Variants in NDUFAF2 observed in about 807,000 individuals in gnomAD.
The protein encoded by NDUFAF2 is NADH dehydrogenase [ubiquinone] 1 alpha subcomplex assembly factor 2.
A neutral mutation model predicts 22.8 loss-of-function variants in NDUFAF2; 13 were observed. The ratio of observed to expected loss-of-function variants is 0.57; its 90% CI spans 0.37 to 0.91. The LOEUF (loss-of-function observed/expected upper bound fraction) is 0.91. Ranked by LOEUF, NDUFAF2 falls within the 40% of genes least tolerant of loss-of-function variation. NDUFAF2 has a pLI of 0.01. For missense variants in NDUFAF2, 162 were observed against 195.2 expected (o/e 0.83, Z 1.01); for synonymous variants, 53 against 64.2 (o/e 0.83, Z 0.84).
intron 1 of NDUFAF2, among the ~76,000 whole-genome samples, chr5:60,960,930 A>G (rs1407341431): frequency 6.6e-6 from 1 of 152,142 alleles, no homozygotes; most frequent in Non-Finnish European, 1.5e-5. Flanking sequence ...TTTATTAAAA[A>G]TATAACTCCG....
intron 3 of NDUFAF2, among the ~76,000 whole-genome samples, chr5:61,108,390 A>C (rs1561567442): frequency 6.6e-6 from 1 of 150,846 alleles, no homozygotes; most frequent in Non-Finnish European, 1.5e-5. Flanking sequence ...AATGATTGCC[A>C]TTGTAACTGG....
chr5:61,099,046 A>G lies in NDUFAF2; in HGVS notation c.258+14A>G. On this transcript the variant is annotated intron_variant, in intron 3 of 3. Transcript: ENST00000296597. ...CCTACTATGGAGGTAAGACTACACAAGGAGGATATCATTTAGGAGTATATA... is the reference window on the plus strand; with the variant it reads ...CCTACTATGGAGGTAAGACTACACAGGGAGGATATCATTTAGGAGTATATA... 6.3e-7 allele frequency: 1 copy of G among 1,584,854 alleles called. No individual in the cohort carries two copies. The highest frequency in any genetic ancestry group is 1.3e-5 in the African/African-American group (1 of 74,512).
intron 1 of NDUFAF2, among the ~76,000 whole-genome samples, chr5:61,002,276 T>C (rs950706527): frequency 6.6e-6 from 1 of 152,172 alleles, no homozygotes; most frequent in Non-Finnish European, 1.5e-5. Context: ...ATTGTAGTTT[T>C]ACTTTAATGT....
At chr5:60,961,576 CAGAGCAAG>C (rs1293371637) in intron 1 of NDUFAF2, among the ~76,000 whole-genome samples, 1 of 128,540 alleles carries the variant, frequency 7.8e-6, no homozygotes, top group Non-Finnish European at 1.6e-5. Flanking sequence ...GCCTGGGCGA[CAGAGCAAG>C]ACTCTGTCTC....
intron 1 of NDUFAF2, among the ~76,000 whole-genome samples, chr5:61,061,048 C>T (rs539821634): frequency 2.6e-5 from 4 of 152,198 alleles, no homozygotes; most frequent in African/African-American, 9.6e-5. Context: ...CCACAGGTAC[C>T]TTCAAGAGTC....
At chr5:61,085,546 C>G (rs1242622188) in intron 2 of NDUFAF2, among the ~76,000 whole-genome samples, 2 of 151,808 alleles carry the variant, frequency 1.3e-5, no homozygotes, top group Non-Finnish European at 2.9e-5. Context: ...AAATTCTTGT[C>G]AATGCAATAA....
rs1401890478 is a variant in NDUFAF2, at chr5:61,068,942, G to A, written c.128-4183G>A. ...TTCAAATCCTGATATCTGTTTGCTA[G>A]CAAGTAAATGTCTTAAGTTCTCTTA... On this transcript the variant is annotated intron_variant, in intron 1 of 3. Coordinates refer to ENST00000296597, the MANE Select transcript of NDUFAF2 (RefSeq NM_174889.5). Among the ~76,000 whole-genome samples, 4 of 152,042 alleles carry A rather than the reference G, an allele frequency of 2.6e-5. No individual in the cohort carries two copies. The South Asian group carries it at 8.3e-4, about 31-fold the overall frequency.
chr5:61,136,231 T>C (rs1740936088), intron 3 of NDUFAF2, among the ~76,000 whole-genome samples: 1 of 151,710 alleles, frequency 6.6e-6, no homozygotes, highest in Non-Finnish European at 1.5e-5. Flanking sequence ...GGTATCTCTT[T>C]TATTTAAGGG....
At chr5:61,058,781 TTAAG>T (rs70977824) in intron 1 of NDUFAF2, among the ~76,000 whole-genome samples, 1,810 of 152,146 alleles carry the variant, frequency 0.012, 14 homozygotes, top group Middle Eastern at 0.034. Context: ...ATAGAATGTA[TTAAG>T]TGAGTGAAGT....
chr5:61,064,010 C>G (rs1752199105), intron 1 of NDUFAF2, among the ~76,000 whole-genome samples: 1 of 152,024 alleles, frequency 6.6e-6, no homozygotes, highest in South Asian at 2.1e-4. Context: ...CCTACAACAG[C>G]TTTAAGGACA....
At chr5:61,098,539 C>A (rs1262021315) in intron 2 of NDUFAF2, among the ~76,000 whole-genome samples, 1 of 152,168 alleles carries the variant, frequency 6.6e-6, no homozygotes, top group East Asian at 1.9e-4. Context: ...AGAAAAGAAA[C>A]CTCTGTAAAT....
At chr5:61,125,751 A>C (rs1281051634) in intron 3 of NDUFAF2, among the ~76,000 whole-genome samples, 1 of 152,096 alleles carries the variant, frequency 6.6e-6, no homozygotes, top group Non-Finnish European at 1.5e-5. Context: ...ATTAAGTATG[A>C]CAGTGTTATA....
At chr5:61,118,651 A>G (rs1331090818) in intron 3 of NDUFAF2, among the ~76,000 whole-genome samples, 1 of 152,208 alleles carries the variant, frequency 6.6e-6, no homozygotes, top group African/African-American at 2.4e-5. Context: ...TACTTAAAGC[A>G]TGCATTCAGT....
At position 61,015,533 on chromosome 5, in the gene NDUFAF2, C is replaced by T. The variant is rs544278078; in HGVS notation, c.128-57592C>T. ...CTGACCTCAAGTGATCCTCTCACCT[C>T]GGCCTCCCAAAGTGCTGGGATTACA... On this transcript the variant is annotated intron_variant, in intron 1 of 3. Transcript: ENST00000296597. Among the ~76,000 whole-genome samples the T allele has an allele frequency of 2.8e-4, 43 of 152,244 alleles. 1 individual carries two copies. In the South Asian group the frequency reaches 7.2e-3, roughly 26 times the overall value.
At chr5:61,096,801 A>G (rs537145368) in intron 2 of NDUFAF2, among the ~76,000 whole-genome samples, 10 of 150,330 alleles carry the variant, frequency 6.7e-5, no homozygotes, top group Non-Finnish European at 1.2e-4. Flanking sequence ...CCATCTCTAC[A>G]AAAAATACAA....
chr5:61,125,589 C>G (rs2111804732), intron 3 of NDUFAF2, among the ~76,000 whole-genome samples: 1 of 151,856 alleles, frequency 6.6e-6, no homozygotes, highest in African/African-American at 2.4e-5. Context: ...TTAGGTGGTC[C>G]CACAAATAAA....
chr5:61,099,006 A>G lies in NDUFAF2; in HGVS notation c.232A>G (p.Thr78Ala), dbSNP rs1352738477. The stretch of plus-strand genomic sequence containing the variant: ...TTTCTTTCTAGCTTGGATTAGAAGA[A>G]CAAGAAAGACTCCACCTACTATGGA... ...PTEWEAWIRR[T>A]RKTPPTMEEI... The change falls in exon 3 of 4, where the codon ACA becomes GCA. Residue 78 changes from threonine to alanine, a missense_variant. Thr to Ala is a moderately conservative substitution (Grantham distance 58). Coordinates refer to ENST00000296597, the MANE Select transcript of NDUFAF2 (RefSeq NM_174889.5). 1.9e-6 allele frequency: 3 copies of G among 1,600,146 alleles called. No individual in the cohort carries two copies. Among genetic ancestry groups the G allele is most frequent in the Non-Finnish European group, 2.6e-6 (3 of 1,169,658 alleles).
rs528204740 is a variant in NDUFAF2, at chr5:61,082,768, C to T, written c.217+9554C>T. Among the ~76,000 whole-genome samples, 22 of 152,246 alleles carry T rather than the reference C, an allele frequency of 1.4e-4. No homozygotes were observed. The South Asian group carries it at 4.6e-3, about 32-fold the overall frequency. ...TACCACATTTTCTTTATCCAGTCTA[C>T]AATTGATGGGTATCTAAGTTGATTC... On this transcript the variant is annotated intron_variant, in intron 2 of 3. Coordinates refer to ENST00000296597, the MANE Select transcript of NDUFAF2 (RefSeq NM_174889.5).
intron 2 of NDUFAF2, among the ~76,000 whole-genome samples, chr5:61,088,344 T>C (rs13187930): frequency 0.77 from 116,402 of 151,758 alleles, 44,931 homozygotes; most frequent in East Asian, 1. Flanking sequence ...CCTACCCTCA[T>C]TCAAGGAGAA....
Sources: allele counts gnomAD v4.1 joint callset (sites outside exome capture counted in the v4.1 genomes callset), GRCh38; gene constraint gnomAD v4.1.1; transcripts MANE v1.5; gene names NCBI Gene and HGNC (gene_info 2026-07-23, HGNC 2026-07-21).